The following COQ2 variants were observed in gnomAD, a reference collection of about 807,000 sequenced individuals.
COQ2 encodes 4-hydroxybenzoate polyprenyltransferase, mitochondrial.
A neutral mutation model predicts 35.7 loss-of-function variants in COQ2; 25 were observed. That is an observed-to-expected ratio of 0.70 (90% CI 0.51 to 0.98). The LOEUF (loss-of-function observed/expected upper bound fraction) is 0.98, where lower values mean the gene tolerates loss of function less well. Among genes scored for constraint, COQ2 ranks in the 50% least tolerant of loss-of-function variants. The pLI is 0.00. For synonymous variants in COQ2, 206 were observed against 186.2 expected (o/e 1.11, Z -0.86); for missense variants, 488 against 473.5 (o/e 1.03, Z -0.28).
intron 2 of COQ2, among the ~76,000 whole-genome samples, chr4:83,274,915 C>A (rs752388883): frequency 8.5e-5 from 13 of 152,136 alleles, no homozygotes; most frequent in Admixed American, 2.0e-4. Context: ...TCACTGATTC[C>A]TTCCTCTGTC....
At chr4:83,274,145 C>A (rs973670499) in intron 2 of COQ2, among the ~76,000 whole-genome samples, 2 of 151,752 alleles carry the variant, frequency 1.3e-5, no homozygotes, top group Non-Finnish European at 2.9e-5. Context: ...ACACAGCAAC[C>A]CTGTGTCAAA....
At chr4:83,275,126 A>G (rs936938362) in intron 2 of COQ2, among the ~76,000 whole-genome samples, 1 of 152,206 alleles carries the variant, frequency 6.6e-6, no homozygotes, top group Non-Finnish European at 1.5e-5. Context: ...TTTCTAAGAA[A>G]TCCTAACATC....
At chr4:83,265,432 C>T (rs1212913516) in intron 6 of COQ2, among the ~76,000 whole-genome samples, 1 of 152,016 alleles carries the variant, frequency 6.6e-6, no homozygotes, top group Non-Finnish European at 1.5e-5. Flanking sequence ...ATGAGCTGGG[C>T]ATGATGGCGT....
intron 5 of COQ2, among the ~76,000 whole-genome samples, chr4:83,268,110 T>C (rs1734966806): frequency 6.6e-6 from 1 of 152,234 alleles, no homozygotes; most frequent in Non-Finnish European, 1.5e-5. Flanking sequence ...ATATTTTTAG[T>C]GTTAGGATTA....
chr4:83,270,966 A>G (rs1408895833), intron 4 of COQ2, among the ~76,000 whole-genome samples: 2 of 152,220 alleles, frequency 1.3e-5, no homozygotes, highest in African/African-American at 4.8e-5. Flanking sequence ...ATTCAATGAG[A>G]GGATCTTAGA....
intron 1 of COQ2, chr4:83,283,783 G>C: frequency 1.0e-6 from 1 of 985,440 alleles, no homozygotes; most frequent in Non-Finnish European, 1.2e-6. Flanking sequence ...CATAAGGTTA[G>C]TTAGTGGTGA....
chr4:83,279,584 T>C (rs1435173657), intron 1 of COQ2, among the ~76,000 whole-genome samples: 2 of 151,120 alleles, frequency 1.3e-5, no homozygotes, highest in African/African-American at 2.5e-5. Context: ...TATGTGTATA[T>C]AAATATATAT....
chr4:83,270,080 T>C, intron 4 of COQ2, 87 bp from the exon 5 acceptor site: 1 of 1,413,256 alleles, frequency 7.1e-7, no homozygotes, highest in Non-Finnish European at 9.8e-7. Context: ...GTGTGTTCAG[T>C]GCTCCTGGGT....
intron 2 of COQ2, among the ~76,000 whole-genome samples, chr4:83,275,099 T>C (rs1334680706): frequency 2.6e-5 from 4 of 152,260 alleles, no homozygotes; most frequent in Non-Finnish European, 4.4e-5. Flanking sequence ...ATATTTATGA[T>C]TGCTGCTTTA....
At position 83,284,694 on chromosome 4, in the gene COQ2, C is replaced by A; in HGVS notation, c.71G>T (p.Trp24Leu). 6.8e-7 allele frequency: 1 copy of A among 1,479,342 alleles called. No individual in the cohort carries two copies. The highest frequency in any genetic ancestry group is 8.9e-7 in the Non-Finnish European group (1 of 1,121,284). The allele number at this position is 1,479,342 out of a possible 1,614,324, so 91.6% of individuals were successfully genotyped here. ...CGCCAGGGCGAAGGAGCGGCCCCGC[C>A]AGCCCGGCAGCCACGCCAGTGCCAC... is the stretch of plus-strand genomic sequence containing the variant. ...RAVALAWLPG[W>L]RGRSFALARA... Residue 24 changes from tryptophan to leucine, a missense_variant, in exon 1 of 7, where the codon TGG becomes TTG. Transcript: ENST00000647002.
At chr4:83,280,566 A>G (rs746373357) in intron 1 of COQ2, among the ~76,000 whole-genome samples, 22 of 152,282 alleles carry the variant, frequency 1.4e-4, no homozygotes, top group Non-Finnish European at 7.3e-5. Flanking sequence ...CTCATAAATC[A>G]AAAGAAAGAA....
chr4:83,273,393 G>A lies in COQ2; in HGVS notation c.542+103C>T, dbSNP rs1232515298. 5.8e-6 allele frequency: 7 copies of A among 1,215,564 alleles called. No individual in the cohort carries two copies. In the African/African-American group the frequency reaches 1.1e-4, roughly 19 times the overall value. 75.3% of individuals were successfully genotyped at this position (1,215,564 alleles called of 1,614,324 possible). The stretch of plus-strand genomic sequence containing the variant: ...TTGCTAACTTACAGATGCTTAATAA[G>A]TAGCAAATGAACAACTTTGTGATAA... On this transcript the variant is annotated intron_variant, in intron 3 of 6. Transcript: ENST00000647002.
Position 83,264,042 on chromosome 4 carries a change from G to A in COQ2, c.*157C>T. On this transcript the variant is annotated 3_prime_UTR_variant, in exon 7 of 7. Transcript: ENST00000647002. ...GAGTCCCTGGTTTCTGTGACAAGGGGGAATTTTGCTAGCAAATAAGTAAAA... is the reference window on the plus strand; with the variant it reads ...GAGTCCCTGGTTTCTGTGACAAGGGAGAATTTTGCTAGCAAATAAGTAAAA... 1 of 536,392 alleles carries A rather than the reference G, an allele frequency of 1.9e-6. No individual in the cohort carries two copies. Among genetic ancestry groups the A allele is most frequent in the Non-Finnish European group, 3.1e-6 (1 of 325,690 alleles). The allele number at this position is 536,392 out of a possible 1,614,324, so 33.2% of individuals were successfully genotyped here. A position where few individuals can be genotyped will look rare whatever the true frequency, so the allele number is the denominator to read the frequency against.
intron 1 of COQ2, chr4:83,283,853 AAG>A: frequency 1.0e-6 from 1 of 985,454 alleles, no homozygotes; most frequent in Non-Finnish European, 1.2e-6. Flanking sequence ...GGTGTTAATT[AAG>A]ATAGGAAGGT....
intron 6 of COQ2, among the ~76,000 whole-genome samples, chr4:83,265,810 GCACACCAC>G (rs1560491233): frequency 6.6e-6 from 1 of 151,852 alleles, no homozygotes. Context: ...AATTACAGGT[GCACACCAC>G]CATGCCCAGC....
intron 2 of COQ2, among the ~76,000 whole-genome samples, chr4:83,275,497 G>A (rs945702597): frequency 6.6e-6 from 1 of 151,564 alleles, no homozygotes; most frequent in Non-Finnish European, 1.5e-5. Flanking sequence ...TCAGTTCCAA[G>A]TCTGGGATAT....
At chr4:83,268,288 C>T (rs891558239) in intron 5 of COQ2, among the ~76,000 whole-genome samples, 6 of 152,198 alleles carry the variant, frequency 3.9e-5, no homozygotes, top group Non-Finnish European at 7.3e-5. Context: ...CCCAACCTAT[C>T]CCTTGCCTTT....
chr4:83,276,995 C>T (rs1560495078), intron 2 of COQ2, among the ~76,000 whole-genome samples: 1 of 139,978 alleles, frequency 7.1e-6, no homozygotes, highest in Non-Finnish European at 1.5e-5. Flanking sequence ...AATGGGTACA[C>T]AGAGACATAC....
At chr4:83,280,972 A>G (rs892408050) in intron 1 of COQ2, among the ~76,000 whole-genome samples, 1 of 152,208 alleles carries the variant, frequency 6.6e-6, no homozygotes, top group Non-Finnish European at 1.5e-5. Flanking sequence ...ATATATTTAC[A>G]TTAGAGACAG....
Sources: allele counts gnomAD v4.1 joint callset (sites outside exome capture counted in the v4.1 genomes callset), GRCh38; gene constraint gnomAD v4.1.1; transcripts MANE v1.5; gene names NCBI Gene and HGNC (gene_info 2026-07-23, HGNC 2026-07-21).